Variants in CD276 observed in about 807,000 individuals in gnomAD.
CD276 encodes the protein CD276 molecule, also known as CD276 antigen.
CD276 carries 34 observed loss-of-function variants against 50.0 expected under a neutral mutation model. The ratio of observed to expected loss-of-function variants is 0.68; its 90% confidence interval spans 0.52 to 0.91. The LOEUF is 0.91. Among genes scored for constraint, CD276 ranks in the 40% least tolerant of loss-of-function variants. CD276 has a pLI of 0.00. For synonymous variants in CD276, 275 were observed against 313.0 expected, an observed-to-expected ratio of 0.88 and a Z score of 1.28; for missense variants, 634 against 717.5, an observed-to-expected ratio of 0.88 and a Z score of 1.33.
Position 73,703,054 on chromosome 15 carries a change from C to G in CD276, c.701C>G (p.Ser234Cys), listed in dbSNP as rs774649242. ...NPVLQQDAHSSVTITPQRSPT... is the reference protein window; with the variant it reads ...NPVLQQDAHSCVTITPQRSPT... Reference sequence around the variant, plus strand: ...GTGCTGCAGCAGGATGCGCACAGCTCTGTCACCATCACACCCCAGAGAAGC... The same window carrying G: ...GTGCTGCAGCAGGATGCGCACAGCTGTGTCACCATCACACCCCAGAGAAGC... Residue 234 changes from serine (S) to cysteine (C), a missense_variant, in exon 4 of 10, where the codon TCT becomes TGT. Ser to Cys is a moderately radical substitution (Grantham distance 112, BLOSUM62 -1). Transcript: ENST00000318443. 33 of 1,611,002 alleles carry G rather than the reference C, an allele frequency of 2.0e-5. No homozygotes were observed. The highest frequency in any genetic ancestry group is 2.7e-5 in the Non-Finnish European group (32 of 1,178,476).
chr15:73,689,188 C>CTCTGTGTGTG (rs1555417295), intron 1 of CD276, among the ~76,000 whole-genome samples: 1 of 142,714 alleles, frequency 7.0e-6, no homozygotes, highest in African/African-American at 2.6e-5. Flanking sequence ...TCTGTGCCTC[C>CTCTGTGTGTG]TGTGTGTGTG....
rs8039466 is a variant in CD276 at position 73,694,860 on chromosome 15, G to A, written c.-54-4726G>A. On this transcript the variant is annotated intron_variant, in intron 1 of 9. Coordinates refer to ENST00000318443, the MANE Select transcript of CD276 (RefSeq NM_001024736.2). Reference sequence around the variant, plus strand: ...TGCTATGGAAGAAGGGGAGAGCTGGGTGTGCTGGCAGCACCTGTAGTCCCT... The same window carrying A: ...TGCTATGGAAGAAGGGGAGAGCTGGATGTGCTGGCAGCACCTGTAGTCCCT... Among the ~76,000 whole-genome samples the A allele has an allele frequency of 9.2e-3, 1,405 of 152,326 alleles. 11 individuals carry two copies. The highest frequency in any genetic ancestry group is 0.017 in the Middle Eastern group (5 of 294).
intron 1 of CD276, among the ~76,000 whole-genome samples, chr15:73,692,719 A>G (rs1900031720): frequency 1.3e-5 from 2 of 152,244 alleles, no homozygotes; most frequent in Non-Finnish European, 2.9e-5. Flanking sequence ...ATCTCCATTC[A>G]TATTGCATGC....
chr15:73,704,079 C>G lies in CD276; in HGVS notation c.1072+82C>G. 1 of 1,560,312 alleles carries G rather than the reference C, an allele frequency of 6.4e-7. No homozygotes were observed. The highest frequency in any genetic ancestry group is 8.7e-7 in the Non-Finnish European group (1 of 1,152,122). On this transcript the variant is annotated intron_variant, in intron 5 of 9. Coordinates refer to ENST00000318443, the MANE Select transcript of CD276 (RefSeq NM_001024736.2). The surrounding 1 kb of genome is among the most constrained non-coding windows in gnomAD (Gnocchi z 4.1). ...CCCACCCTCTGCTGCACCACTGCTCCCAGAACCCCAGTGCTGATTCCTGTA... is the reference window on the plus strand; with the variant it reads ...CCCACCCTCTGCTGCACCACTGCTCGCAGAACCCCAGTGCTGATTCCTGTA...
Position 73,713,276 on chromosome 15 carries a change from C to A in CD276, c.*320C>A. The A allele has an allele frequency of 2.8e-6, 1 of 358,916 alleles. No individual in the cohort carries two copies. Among genetic ancestry groups the A allele is most frequent in the Non-Finnish European group, 5.0e-6 (1 of 199,256 alleles). 22.2% of individuals were successfully genotyped at this position (358,916 alleles called of 1,614,324 possible). ...ACACAGTACACTGACCACATCACCA[C>A]CCTCTTCTTCCAGTGCTGCGTGGAC... On this transcript the variant is annotated 3_prime_UTR_variant, in exon 10 of 10. Transcript: ENST00000318443.
At chr15:73,692,674 C>T (rs1039289258) in intron 1 of CD276, among the ~76,000 whole-genome samples, 2 of 152,194 alleles carry the variant, frequency 1.3e-5, no homozygotes, top group Non-Finnish European at 2.9e-5. Flanking sequence ...AGAATGAGAA[C>T]CCCTGTAGTT....
intron 6 of CD276, among the ~76,000 whole-genome samples, chr15:73,705,789 G>A (rs1900625581): frequency 6.6e-6 from 1 of 152,144 alleles, no homozygotes; most frequent in Admixed American, 6.6e-5. Context: ...AGGCCTTGAA[G>A]GATAAGGGGT....
In CD276 at chr15:73,702,428, C is replaced by A; in HGVS notation, c.253C>A (p.Gln85Lys). The A allele has an allele frequency of 6.2e-7, 1 of 1,613,790 alleles. No individual in the cohort carries two copies. The highest frequency in any genetic ancestry group is 8.5e-7 in the Non-Finnish European group (1 of 1,180,012). The change falls in exon 3 of 10, where the codon CAG becomes AAG. Residue 85 changes from glutamine to lysine, a missense_variant. Coordinates refer to ENST00000318443, the MANE Select transcript of CD276 (RefSeq NM_001024736.2). Reference sequence around the variant, plus strand: ...GCACAGCTTTGCTGAGGGCCAGGACCAGGGCAGCGCCTATGCCAACCGCAC... The same window carrying A: ...GCACAGCTTTGCTGAGGGCCAGGACAAGGGCAGCGCCTATGCCAACCGCAC... ...LVHSFAEGQD[Q>K]GSAYANRTAL...
chr15:73,686,265 C>T (rs992433533), intron 1 of CD276: 24 of 984,416 alleles, frequency 2.4e-5, no homozygotes, highest in Non-Finnish European at 2.8e-5. Context: ...TTCCAGCTTA[C>T]TCTAGACTCC....
Position 73,704,333 on chromosome 15 carries a change from G to A in CD276, c.1230G>A (p.Thr410=), listed in dbSNP as rs143706609. ...TGCCCCTGACTGGCAACGTGACCACGTCGCAGATGGCCAACGAGCAGGGCT... is the reference window on the plus strand; with the variant it reads ...TGCCCCTGACTGGCAACGTGACCACATCGCAGATGGCCAACGAGCAGGGCT... ...QGVPLTGNVT[T]SQMANEQGLF... The change falls in exon 6 of 10, where the codon ACG becomes ACA. Residue 410 remains threonine, a synonymous_variant. Transcript: ENST00000318443. This position sits in a 1 kb window ranked among gnomAD's most constrained non-coding sequence, Gnocchi z 4.1. 1.2e-4 allele frequency: 194 copies of A among 1,613,826 alleles called. No individual in the cohort carries two copies. Among genetic ancestry groups the A allele is most frequent in the Middle Eastern group, 1.7e-4 (1 of 5,916 alleles).
chr15:73,712,792 G>A, intron 9 of CD276, 142 bp from the exon 10 acceptor site: 1 of 843,654 alleles, frequency 1.2e-6, no homozygotes, highest in Non-Finnish European at 1.9e-6. Flanking sequence ...CACGGGGGCT[G>A]TCCGTTGGGC....
In CD276 at chr15:73,703,663, C is replaced by G; in HGVS notation, c.738C>G (p.Ala246=). The part of the protein sequence containing the change: ...TITPQRSPTG[A]VEVQVPEDPV... ...CCCCTCTGACCCCGCCCCCAGGAGC[C>G]GTGGAGGTCCAGGTCCCTGAGGACC... is the stretch of plus-strand genomic sequence containing the variant. The change falls in exon 5 of 10, where the codon GCC becomes GCG. Residue 246 remains alanine (A), a synonymous_variant. Coordinates refer to ENST00000318443, the MANE Select transcript of CD276 (RefSeq NM_001024736.2). 2.5e-6 allele frequency: 4 copies of G among 1,606,692 alleles called. No homozygotes were observed. The highest frequency in any genetic ancestry group is 1.7e-4 in the Middle Eastern group (1 of 6,028).
In CD276 at chr15:73,706,021, G is replaced by A. The variant is rs573269080; in HGVS notation, c.1369+1549G>A. On this transcript the variant is annotated intron_variant, in intron 6 of 9. Coordinates refer to ENST00000318443, the MANE Select transcript of CD276 (RefSeq NM_001024736.2). ...TCCCAGCACTTTGGGAGGCCAAGGC[G>A]GGTGGATCACTTGAGGTCAGGAGTT... Among the ~76,000 whole-genome samples the A allele has an allele frequency of 8.7e-4, 132 of 152,260 alleles. 1 individual carries two copies. The highest frequency in any genetic ancestry group is 3.1e-3 in the African/African-American group (127 of 41,538).
rs1042448706 is a variant in CD276 at position 73,704,635 on chromosome 15, G to A, written c.1369+163G>A. On this transcript the variant is annotated intron_variant, in intron 6 of 9. Transcript: ENST00000318443. This position sits in a 1 kb window ranked among gnomAD's most constrained non-coding sequence, Gnocchi z 4.1. ...TTCCCCACAAGTCCTTAAGGGACTC[G>A]AGCTGATAAGAACCATTTATAATGT... Among the ~76,000 whole-genome samples, 2 of 152,176 alleles carry A rather than the reference G, an allele frequency of 1.3e-5. No individual in the cohort carries two copies. Among genetic ancestry groups the A allele is most frequent in the Non-Finnish European group, 2.9e-5 (2 of 68,032 alleles).
intron 2 of CD276, among the ~76,000 whole-genome samples, chr15:73,701,765 TTCTC>T (rs1305548400): frequency 1.6e-5 from 2 of 128,210 alleles, no homozygotes; most frequent in African/African-American, 3.0e-5. Flanking sequence ...GCACTTGTGA[TTCTC>T]TCTCCTCCAG....
intron 1 of CD276, chr15:73,686,299 C>T (rs1212779801): frequency 1.0e-6 from 1 of 985,158 alleles, no homozygotes; most frequent in Non-Finnish European, 1.2e-6. Context: ...ATGAGCTTGT[C>T]AGAGGTAAGG....
intron 8 of CD276, 137 bp from the exon 9 acceptor site, chr15:73,710,998 C>T: frequency 1.2e-6 from 1 of 808,724 alleles, no homozygotes; most frequent in Non-Finnish European, 2.1e-6. Flanking sequence ...AGGGCCCCTT[C>T]CCTTGTGCTA....
chr15:73,688,742 C>G (rs1899863591), intron 1 of CD276, among the ~76,000 whole-genome samples: 2 of 152,186 alleles, frequency 1.3e-5, no homozygotes, highest in African/African-American at 4.8e-5. Context: ...AAGAGGCCTT[C>G]TAGCTCTGAG....
chr15:73,703,229 T>G, intron 4 of CD276, 143 bp downstream of exon 4: 2 of 1,059,050 alleles, frequency 1.9e-6, no homozygotes, highest in African/African-American at 1.6e-5. Flanking sequence ...AACGGGGAGG[T>G]GGGGATGTTC....
Sources: gnomAD v4.1 joint callset for allele counts (sites outside exome capture counted in the v4.1 genomes callset) on GRCh38, gnomAD v4.1.1 for gene constraint, Gnocchi (gnomAD v3.1) non-coding constraint, MANE v1.5 for transcripts, NCBI Gene and HGNC (gene_info 2026-07-23, HGNC 2026-07-21) for gene names.